GRIN2A: variants seen among roughly 807,000 people sequenced by gnomAD.
GRIN2A encodes the protein glutamate receptor ionotropic, NMDA 2A.
In GRIN2A, 22 loss-of-function variants were observed where a neutral mutation model predicts 113.4. The ratio of observed to expected loss-of-function variants is 0.19; its 90% CI spans 0.14 to 0.28. The LOEUF is 0.28. Ranked by LOEUF, GRIN2A falls within the 10% of genes least tolerant of loss-of-function variation. The pLI, the probability that GRIN2A is intolerant of heterozygous loss-of-function variation, is 1.00. For synonymous variants in GRIN2A, 827 were observed against 738.4 expected, an observed-to-expected ratio of 1.12 and a Z score of -1.94; for missense variants, 1,502 against 1,887.0, an observed-to-expected ratio of 0.80 and a Z score of 3.78.
chr16:9,894,018 T>C (rs1371281597), intron 3 of GRIN2A, among the ~76,000 whole-genome samples: 1 of 152,054 alleles, frequency 6.6e-6, no homozygotes, highest in East Asian at 1.9e-4. Context: ...TGTAAGAAGG[T>C]GAGACAACAC....
chr16:10,156,373 A>T (rs1417961963), intron 2 of GRIN2A, among the ~76,000 whole-genome samples: 1 of 152,254 alleles, frequency 6.6e-6, no homozygotes, highest in Non-Finnish European at 1.5e-5. Flanking sequence ...AGCACATTCC[A>T]AGATGCAACT....
chr16:9,925,615 A>G (rs774756737), intron 3 of GRIN2A, among the ~76,000 whole-genome samples: 2 of 152,176 alleles, frequency 1.3e-5, no homozygotes, highest in Non-Finnish European at 2.9e-5. Context: ...CAAGGTGGTG[A>G]GTGGAGCCAT....
chr16:10,029,617 A>T (rs1488144177), intron 2 of GRIN2A, among the ~76,000 whole-genome samples: 1 of 152,246 alleles, frequency 6.6e-6, no homozygotes, highest in African/African-American at 2.4e-5. Flanking sequence ...GATACGGCAT[A>T]TGTCTCACCT....
rs144327227 is a variant in GRIN2A at position 9,796,957 on chromosome 16, T to C, written c.2356+1320A>G. On this transcript the variant is annotated intron_variant, in intron 11 of 12. Transcript: ENST00000330684. ...CCTATGGAGAATTCAAAGACTCACA[T>C]GTTCTCATTTGGGAGTTAAATATAA... is the stretch of plus-strand genomic sequence containing the variant. 5.2e-3 allele frequency among the ~76,000 whole-genome samples: 786 copies of C among 152,378 alleles called. 5 individuals carry two copies. Among genetic ancestry groups the C allele is most frequent in the Non-Finnish European group, 8.2e-3 (559 of 68,042 alleles).
rs779769772 is a variant in GRIN2A, at chr16:9,755,799, C to T, written c.*7350G>A. The T allele has an allele frequency of 3.9e-5, 8 of 203,138 alleles. No homozygotes were observed. The highest frequency in any genetic ancestry group is 1.9e-4 in the South Asian group (1 of 5,222). The allele number at this position is 203,138 out of a possible 1,614,324, so 12.6% of individuals were successfully genotyped here. A position where few individuals can be genotyped will look rare whatever the true frequency, so the allele number is the denominator to read the frequency against. On this transcript the variant is annotated 3_prime_UTR_variant, in exon 13 of 13. Transcript: ENST00000330684. Reference sequence around the variant, plus strand: ...ACACTCTTCAGTGGGACAGAATAACCGTCATTATCCTAATGCTAAGTGAGC... The same window carrying T: ...ACACTCTTCAGTGGGACAGAATAACTGTCATTATCCTAATGCTAAGTGAGC...
At chr16:9,797,416 T>C (rs1029924312) in intron 11 of GRIN2A, among the ~76,000 whole-genome samples, 2 of 152,210 alleles carry the variant, frequency 1.3e-5, no homozygotes, top group Non-Finnish European at 2.9e-5. Flanking sequence ...CCCCGGGCTA[T>C]AGTGAGATCA....
chr16:10,015,182 G>A (rs968164189), intron 2 of GRIN2A, among the ~76,000 whole-genome samples: 1 of 146,762 alleles, frequency 6.8e-6, no homozygotes, highest in Non-Finnish European at 1.5e-5. Context: ...TGAACCGGGA[G>A]GCGGAGGTCG....
chr16:9,940,684 C>G (rs1274694431), intron 2 of GRIN2A, among the ~76,000 whole-genome samples: 1 of 152,100 alleles, frequency 6.6e-6, no homozygotes, highest in Admixed American at 6.6e-5. Context: ...TGTGTGGATT[C>G]TGAATATTGT....
At chr16:9,813,581 C>A (rs2042130533) in intron 10 of GRIN2A, among the ~76,000 whole-genome samples, 1 of 146,546 alleles carries the variant, frequency 6.8e-6, no homozygotes, top group South Asian at 2.1e-4. Flanking sequence ...TTAACTCCTG[C>A]CCCCCACAGA....
intron 3 of GRIN2A, among the ~76,000 whole-genome samples, chr16:9,898,441 C>T (rs1567163311): frequency 1.3e-5 from 2 of 152,102 alleles, no homozygotes; most frequent in Admixed American, 1.3e-4. Flanking sequence ...TCTCTTTCGT[C>T]TTATAGTCAT....
At chr16:10,080,672 T>C (rs1257865244) in intron 2 of GRIN2A, among the ~76,000 whole-genome samples, 1 of 152,172 alleles carries the variant, frequency 6.6e-6, no homozygotes, top group African/African-American at 2.4e-5. Flanking sequence ...AAGGGAGCGA[T>C]GGAGTACAGA....
chr16:9,758,338 C>G lies in GRIN2A; in HGVS notation c.*4811G>C, dbSNP rs566026808. 2 of 224,540 alleles carry G rather than the reference C, an allele frequency of 8.9e-6. No individual in the cohort carries two copies. The highest frequency in any genetic ancestry group is 1.3e-4 in the East Asian group (2 of 15,638). 13.9% of individuals were successfully genotyped at this position (224,540 alleles called of 1,614,324 possible). A position where few individuals can be genotyped will look rare whatever the true frequency, so the allele number is the denominator to read the frequency against. ...CATTGTCTTCAGAAGCAAATGCGAG[C>G]AGAATATATTCTATACCCCTCATCC... On this transcript the variant is annotated 3_prime_UTR_variant, in exon 13 of 13. Transcript: ENST00000330684.
intron 2 of GRIN2A, among the ~76,000 whole-genome samples, chr16:10,167,259 C>G (rs780956388): frequency 1.3e-5 from 2 of 152,126 alleles, no homozygotes; most frequent in Non-Finnish European, 2.9e-5. Flanking sequence ...GGGTCCGTAG[C>G]CTTCATTAGA....
chr16:10,174,439 A>G (rs1403955490), intron 2 of GRIN2A, among the ~76,000 whole-genome samples: 1 of 152,256 alleles, frequency 6.6e-6, no homozygotes, highest in Non-Finnish European at 1.5e-5. Flanking sequence ...ACAAACAAAA[A>G]TTAAAGAACA....
chr16:9,885,400 G>C (rs1162007624), intron 4 of GRIN2A, among the ~76,000 whole-genome samples: 1 of 152,204 alleles, frequency 6.6e-6, no homozygotes, highest in Non-Finnish European at 1.5e-5. Flanking sequence ...TGAAGAACAA[G>C]GGAGAGAGAA....
intron 3 of GRIN2A, among the ~76,000 whole-genome samples, chr16:9,917,510 C>T (rs921445205): frequency 1.3e-5 from 2 of 152,248 alleles, no homozygotes; most frequent in Non-Finnish European, 2.9e-5. Context: ...ATAATATCGC[C>T]TACCTCACAG....
At chr16:10,111,699 G>A (rs912856039) in intron 2 of GRIN2A, 10 of 1,561,570 alleles carry the variant, frequency 6.4e-6, no homozygotes, top group Middle Eastern at 2.3e-4. Flanking sequence ...AGGTGCATAA[G>A]GTCAAGAAGT....
At chr16:9,994,380 C>A (rs1005466362) in intron 2 of GRIN2A, among the ~76,000 whole-genome samples, 1 of 152,054 alleles carries the variant, frequency 6.6e-6, no homozygotes, top group African/African-American at 2.4e-5. Context: ...TGTCATTGTT[C>A]CAGAGAATGT....
At chr16:10,158,362 T>C (rs1034603290) in intron 2 of GRIN2A, among the ~76,000 whole-genome samples, 1 of 152,214 alleles carries the variant, frequency 6.6e-6, no homozygotes, top group African/African-American at 2.4e-5. Context: ...GGGGGATATC[T>C]ATCCTCAATA....
Sources: allele counts gnomAD v4.1 joint callset (sites outside exome capture counted in the v4.1 genomes callset), GRCh38; gene constraint gnomAD v4.1.1; transcripts MANE v1.5; gene names NCBI Gene and HGNC (gene_info 2026-07-23, HGNC 2026-07-21).